HS6ST3: variants seen among roughly 807,000 people sequenced by gnomAD.
HS6ST3 encodes heparan sulfate 6-O-sulfotransferase 3.
HS6ST3 carries 12 observed loss-of-function variants against 36.7 expected under a neutral mutation model. The observed-to-expected ratio is 0.33, with a 90% CI of 0.21 to 0.53. The LOEUF is 0.53. HS6ST3 is among the 20% of genes least tolerant of loss of function. HS6ST3 has a pLI of 0.95. For missense variants in HS6ST3, 584 were observed against 640.9 expected (o/e 0.91, Z 0.96); for synonymous variants, 240 against 257.5 (o/e 0.93, Z 0.65).
intron 1 of HS6ST3, among the ~76,000 whole-genome samples, chr13:96,250,236 G>T (rs117094676): frequency 6.6e-6 from 1 of 152,314 alleles, no homozygotes; most frequent in Non-Finnish European, 1.5e-5. Context: ...GTGTTCTAGG[G>T]CAGTGGGAGA....
intron 1 of HS6ST3, among the ~76,000 whole-genome samples, chr13:96,183,348 C>T (rs190029387): frequency 1.3e-5 from 2 of 152,182 alleles, no homozygotes; most frequent in East Asian, 3.9e-4. Context: ...CTTAGATGCT[C>T]GAGGTGGAAG....
intron 1 of HS6ST3, among the ~76,000 whole-genome samples, chr13:96,543,605 A>G (rs534232591): frequency 1.3e-5 from 2 of 152,252 alleles, no homozygotes; most frequent in Admixed American, 6.5e-5. Flanking sequence ...AAACTTTACT[A>G]TTAATATTTT....
At chr13:96,714,529 A>C (rs1410671138) in intron 1 of HS6ST3, among the ~76,000 whole-genome samples, 6 of 152,148 alleles carry the variant, frequency 3.9e-5, no homozygotes, top group Admixed American at 3.3e-4. Context: ...AGGAACACTC[A>C]AGTGTTGCTG....
chr13:96,506,901 G>T (rs2056028723), intron 1 of HS6ST3, among the ~76,000 whole-genome samples: 1 of 152,092 alleles, frequency 6.6e-6, no homozygotes, highest in African/African-American at 2.4e-5. Context: ...TTGTGTAATT[G>T]TTAGAGCCTT....
chr13:96,704,044 G>A (rs549667248), intron 1 of HS6ST3, among the ~76,000 whole-genome samples: 13 of 152,180 alleles, frequency 8.5e-5, no homozygotes, highest in South Asian at 2.1e-4. Flanking sequence ...AACCTCTTTC[G>A]TTATAAATTG....
chr13:96,626,843 A>ATTT (rs2056514357), intron 1 of HS6ST3, among the ~76,000 whole-genome samples: 3 of 151,470 alleles, frequency 2.0e-5, no homozygotes, highest in African/African-American at 7.3e-5. Flanking sequence ...ATTTTTTTTA[A>ATTT]AAAAATACAT....
At chr13:96,686,020 A>G (rs1351435839) in intron 1 of HS6ST3, among the ~76,000 whole-genome samples, 1 of 152,044 alleles carries the variant, frequency 6.6e-6, no homozygotes, top group African/African-American at 2.4e-5. Context: ...GGAGTGTACA[A>G]CTTTACTTAC....
At chr13:96,461,092 C>T (rs755349679) in intron 1 of HS6ST3, among the ~76,000 whole-genome samples, 43 of 152,268 alleles carry the variant, frequency 2.8e-4, no homozygotes, top group South Asian at 1.5e-3. Flanking sequence ...TTGGTTTCCC[C>T]GCATTGCATT....
At chr13:96,568,470 T>C (rs1183216121) in intron 1 of HS6ST3, among the ~76,000 whole-genome samples, 1 of 152,180 alleles carries the variant, frequency 6.6e-6, no homozygotes, top group Non-Finnish European at 1.5e-5. Context: ...TTTCACCATG[T>C]TGGTCAGGCT....
At chr13:96,544,363 TC>T in intron 1 of HS6ST3, among the ~76,000 whole-genome samples, 1 of 152,166 alleles carries the variant, frequency 6.6e-6, no homozygotes, top group Non-Finnish European at 1.5e-5. Context: ...AAGAGAAGGC[TC>T]ATGGTAGACA....
At chr13:96,476,467 A>G (rs182061065) in intron 1 of HS6ST3, among the ~76,000 whole-genome samples, 1 of 151,990 alleles carries the variant, frequency 6.6e-6, no homozygotes, top group Non-Finnish European at 1.5e-5. Context: ...GGTTCAAGAG[A>G]TTCTCCTGCC....
At chr13:96,251,599 C>T (rs971796920) in intron 1 of HS6ST3, among the ~76,000 whole-genome samples, 1 of 151,570 alleles carries the variant, frequency 6.6e-6, no homozygotes, top group South Asian at 2.1e-4. Flanking sequence ...TGTCTTTTTC[C>T]TTCTAATGTT....
intron 1 of HS6ST3, among the ~76,000 whole-genome samples, chr13:96,282,682 A>G (rs1404749878): frequency 6.6e-6 from 1 of 152,210 alleles, no homozygotes; most frequent in African/African-American, 2.4e-5. Flanking sequence ...TACTCCAAGT[A>G]TGTTGAATAA....
intron 1 of HS6ST3, among the ~76,000 whole-genome samples, chr13:96,771,694 C>A (rs1332485644): frequency 9.9e-5 from 15 of 152,190 alleles, no homozygotes; most frequent in Admixed American, 9.8e-4. Context: ...ACACAGCAGG[C>A]ATTCCATTCT....
chr13:96,620,696 T>C (rs1320527022), intron 1 of HS6ST3, among the ~76,000 whole-genome samples: 2 of 152,222 alleles, frequency 1.3e-5, no homozygotes, highest in Admixed American at 6.5e-5. Context: ...AATAACCATA[T>C]TTAGCAATCA....
intron 1 of HS6ST3, among the ~76,000 whole-genome samples, chr13:96,654,099 T>C (rs2056616433): frequency 6.6e-6 from 1 of 152,228 alleles, no homozygotes; most frequent in Admixed American, 6.5e-5. Context: ...TTGTAGATTC[T>C]GGCTATTAGC....
chr13:96,545,177 T>G (rs543004549), intron 1 of HS6ST3, among the ~76,000 whole-genome samples: 169 of 152,258 alleles, frequency 1.1e-3, no homozygotes, highest in African/African-American at 3.8e-3. Context: ...TAAAATTCAT[T>G]TATCTTTTGA....
chr13:96,460,381 A>G (rs1212276664), intron 1 of HS6ST3, among the ~76,000 whole-genome samples: 2 of 152,180 alleles, frequency 1.3e-5, no homozygotes, highest in African/African-American at 4.8e-5. Flanking sequence ...TATGTAGGAG[A>G]AAAATTCTTT....
chr13:96,632,807 A>C (rs2056536445), intron 1 of HS6ST3, among the ~76,000 whole-genome samples: 1 of 152,208 alleles, frequency 6.6e-6, no homozygotes, highest in African/African-American at 2.4e-5. Flanking sequence ...TTGATAGTTC[A>C]GGCTGTATGC....
Sources: allele counts gnomAD v4.1 joint callset (sites outside exome capture counted in the v4.1 genomes callset), GRCh38; gene constraint gnomAD v4.1.1; transcripts MANE v1.5; gene names NCBI Gene and HGNC (gene_info 2026-07-23, HGNC 2026-07-21).